CD8A: variants seen among roughly 807,000 people sequenced by gnomAD.
The protein encoded by CD8A is CD8 subunit alpha, also known as T-cell surface glycoprotein CD8 alpha chain.
CD8A carries 25 observed loss-of-function variants against 24.2 expected under a neutral mutation model. The ratio of observed to expected loss-of-function variants is 1.03; its 90% CI spans 0.75 to 1.44. CD8A has a LOEUF of 1.44. CD8A is among the 40% of genes most tolerant of loss of function. CD8A has a pLI of 0.00. For missense variants in CD8A, 360 were observed against 319.7 expected, an observed-to-expected ratio of 1.13 and a Z score of -0.96; for synonymous variants, 165 against 149.9, an observed-to-expected ratio of 1.10 and a Z score of -0.74.
At chr2:86,787,925 G>A (rs1041878107) in intron 5 of CD8A, among the ~76,000 whole-genome samples, 8 of 151,954 alleles carry the variant, frequency 5.3e-5, no homozygotes, top group Non-Finnish European at 8.8e-5. Context: ...GTGTGTGTGT[G>A]TGATCATGGG....
chr2:86,786,423 G>A (rs1002087260), intron 5 of CD8A, among the ~76,000 whole-genome samples: 1 of 152,180 alleles, frequency 6.6e-6, no homozygotes, highest in East Asian at 1.9e-4. Context: ...ATGATGTTAC[G>A]CTAAAAACGT....
intron 3 of CD8A, among the ~76,000 whole-genome samples, chr2:86,799,715 C>T (rs1014140402): frequency 6.6e-6 from 1 of 151,922 alleles, no homozygotes; most frequent in Non-Finnish European, 1.5e-5. Context: ...AAGATCACAC[C>T]ACTGCACTCC....
chr2:86,789,600 G>A, intron 3 of CD8A, 40 bp downstream of exon 3: 8 of 1,416,996 alleles, frequency 5.6e-6, no homozygotes, highest in Non-Finnish European at 7.7e-6. Context: ...CTCTCCCCGC[G>A]GTGCGTGCCG....
intron 3 of CD8A, among the ~76,000 whole-genome samples, chr2:86,798,337 G>A (rs55817008): frequency 0.18 from 27,848 of 151,556 alleles, 2,918 homozygotes; most frequent in Non-Finnish European, 0.25. Context: ...CACCACGTCC[G>A]GCTAATTTTG....
rs1351080881 is a variant in CD8A, at chr2:86,790,389, G to T, written c.342C>A (p.Phe114Leu). 6.2e-6 allele frequency: 10 copies of T among 1,614,072 alleles called. No individual in the cohort carries two copies. The highest frequency in any genetic ancestry group is 8.5e-6 in the Non-Finnish European group (10 of 1,180,042). The part of the protein sequence containing the change: ...DFRRENEGYY[F>L]CSALSNSIMY... ...TGATGGAGTTGCTCAGGGCCGAGCA[G>T]AAATAGTAGCCCTCGTTCTCTCGGC... The change falls in exon 2 of 6, where the codon TTC becomes TTA. Residue 114 changes from phenylalanine (F) to leucine (L), a missense_variant. By Grantham distance (22) the Phe-to-Leu change is conservative (BLOSUM62 0). Coordinates refer to ENST00000283635, the MANE Select transcript of CD8A (RefSeq NM_001768.7).
intron 2 of CD8A, among the ~76,000 whole-genome samples, chr2:86,805,468 A>T (rs1673816923): frequency 6.6e-6 from 1 of 152,166 alleles, no homozygotes; most frequent in Non-Finnish European, 1.5e-5. Context: ...GTTTTCATTT[A>T]CCCACGAGCT....
chr2:86,804,936 G>A (rs1673794961), intron 2 of CD8A, among the ~76,000 whole-genome samples: 1 of 151,456 alleles, frequency 6.6e-6, no homozygotes, highest in Non-Finnish European at 1.5e-5. Flanking sequence ...CTGAGTAGCT[G>A]GGATTACAGG....
intron 2 of CD8A, among the ~76,000 whole-genome samples, chr2:86,806,349 T>C (rs945430182): frequency 7.9e-5 from 12 of 151,940 alleles, no homozygotes; most frequent in Admixed American, 6.6e-4. Flanking sequence ...TCTAGGACTA[T>C]AGAAGGAGAG....
chr2:86,791,183 C>T (rs1270019058), upstream of CD8A: 1 of 498,256 alleles, frequency 2.0e-6, no homozygotes, highest in Non-Finnish European at 3.7e-6. Flanking sequence ...TGAAGGGAGA[C>T]CAAAGATTTC....
chr2:86,804,014 T>G (rs534082950), intron 2 of CD8A, among the ~76,000 whole-genome samples: 1 of 152,208 alleles, frequency 6.6e-6, no homozygotes. Context: ...CAATTAATAA[T>G]AGCATATTAT....
intron 2 of CD8A, 68 bp from the exon 3 acceptor site, chr2:86,789,818 G>T (rs2104438138): frequency 2.1e-6 from 2 of 959,192 alleles, no homozygotes; most frequent in African/African-American, 1.7e-5. Flanking sequence ...CCCCGGCCTC[G>T]CGCACCTTTC....
At chr2:86,797,209 T>A (rs1256020590) in intron 3 of CD8A, among the ~76,000 whole-genome samples, 1 of 152,092 alleles carries the variant, frequency 6.6e-6, no homozygotes, top group African/African-American at 2.4e-5. Flanking sequence ...GGGTCAGGGC[T>A]GGGGATGTAG....
upstream of CD8A, among the ~76,000 whole-genome samples, chr2:86,795,209 T>C (rs1240537490): frequency 6.6e-6 from 1 of 152,284 alleles, no homozygotes; most frequent in Admixed American, 6.5e-5. Flanking sequence ...GGCACACACT[T>C]GAGTGGCACA....
Position 86,789,343 on chromosome 2 carries a change from A to G in CD8A, c.605T>C (p.Ile202Thr). The G allele has an allele frequency of 6.2e-7, 1 of 1,610,786 alleles. No individual in the cohort carries two copies. The highest frequency in any genetic ancestry group is 8.5e-7 in the Non-Finnish European group (1 of 1,176,924). The change falls in exon 4 of 6, where the codon ATC becomes ACC. Residue 202 changes from isoleucine to threonine, a missense_variant. Ile to Thr is a moderately conservative substitution (Grantham distance 89). Coordinates refer to ENST00000283635, the MANE Select transcript of CD8A (RefSeq NM_001768.7). ...CTTACTGTGGTTGCAGTAAAGGGTGATAACCAGTGACAGGAGAAGGACCCC... is the reference window on the plus strand; with the variant it reads ...CTTACTGTGGTTGCAGTAAAGGGTGGTAACCAGTGACAGGAGAAGGACCCC... ...TCGVLLLSLV[I>T]TLYCNHRNRR...
chr2:86,798,964 AG>A (rs758012711), intron 3 of CD8A, among the ~76,000 whole-genome samples: 1 of 152,232 alleles, frequency 6.6e-6, no homozygotes, highest in Non-Finnish European at 1.5e-5. Context: ...TTCAAAATAC[AG>A]AAATGTCATC....
Position 86,785,681 on chromosome 2 carries a change from C to G in CD8A, c.*239G>C, listed in dbSNP as rs1417992998. On this transcript the variant is annotated 3_prime_UTR_variant, in exon 6 of 6. Coordinates refer to ENST00000283635, the MANE Select transcript of CD8A (RefSeq NM_001768.7). ...GCTCTGGCCTGCCCCTTTCCACGCC[C>G]TACCGCGATGTGCGCACAACAGTAT... 1 of 684,864 alleles carries G rather than the reference C, an allele frequency of 1.5e-6. No homozygotes were observed. The highest frequency in any genetic ancestry group is 2.0e-5 in the Admixed American group (1 of 49,442). The allele number at this position is 684,864 out of a possible 1,614,324, so 42.4% of individuals were successfully genotyped here. A position where few individuals can be genotyped will look rare whatever the true frequency, so the allele number is the denominator to read the frequency against.
At chr2:86,802,919 A>G (rs973009761) in intron 2 of CD8A, among the ~76,000 whole-genome samples, 55 of 152,274 alleles carry the variant, frequency 3.6e-4, no homozygotes, top group Admixed American at 3.3e-3. Flanking sequence ...CCTAGAATTC[A>G]TAAGTTTAAG....
chr2:86,789,820 G>A (rs1673196458), intron 2 of CD8A, 70 bp from the exon 3 acceptor site: 5 of 927,308 alleles, frequency 5.4e-6, no homozygotes, highest in Non-Finnish European at 7.3e-6. Context: ...CCGGCCTCGC[G>A]CACCTTTCCC....
chr2:86,795,448 A>T (rs1300244232), upstream of CD8A, among the ~76,000 whole-genome samples: 1 of 152,242 alleles, frequency 6.6e-6, no homozygotes, highest in Admixed American at 6.5e-5. Context: ...TAGCAATGGT[A>T]TAGTTAAAAA....
Sources: allele counts gnomAD v4.1 joint callset (sites outside exome capture counted in the v4.1 genomes callset), GRCh38; gene constraint gnomAD v4.1.1; transcripts MANE v1.5; gene names NCBI Gene and HGNC (gene_info 2026-07-23, HGNC 2026-07-21).